TECTA: variants seen among roughly 807,000 people sequenced by gnomAD.
The protein encoded by TECTA is tectorin alpha.
In TECTA, 128 loss-of-function variants were observed where a neutral mutation model predicts 216.8. The ratio of observed to expected loss-of-function variants is 0.59; its 90% CI spans 0.51 to 0.68. The LOEUF (loss-of-function observed/expected upper bound fraction) is 0.68, where lower values mean the gene tolerates loss of function less well. Among genes scored for constraint, TECTA ranks in the 30% least tolerant of loss-of-function variants. TECTA has a pLI of 0.00. For missense variants in TECTA, 2,551 were observed against 2,786.2 expected, an observed-to-expected ratio of 0.92 and a Z score of 1.90; for synonymous variants, 1,089 against 1,117.1, an observed-to-expected ratio of 0.97 and a Z score of 0.50.
chr11:121,126,077 A>G (rs542491090), intron 8 of TECTA, among the ~76,000 whole-genome samples: 71 of 152,342 alleles, frequency 4.7e-4, no homozygotes, highest in Non-Finnish European at 7.6e-4. Flanking sequence ...ACAAGAACCC[A>G]TTGATGAACA....
intron 20 of TECTA, among the ~76,000 whole-genome samples, chr11:121,184,612 A>G (rs1404806915): frequency 6.6e-6 from 1 of 152,194 alleles, no homozygotes; most frequent in Non-Finnish European, 1.5e-5. Flanking sequence ...ATAGACATTC[A>G]CTAGTTTGCA....
At chr11:121,179,113 T>C (rs1947199949) in intron 20 of TECTA, among the ~76,000 whole-genome samples, 1 of 152,122 alleles carries the variant, frequency 6.6e-6, no homozygotes, top group African/African-American at 2.4e-5. Context: ...ATTATATTTT[T>C]CCTTCTACTA....
chr11:121,119,007 ACACACAC>A (rs1946530620), intron 7 of TECTA, among the ~76,000 whole-genome samples: 1 of 92,812 alleles, frequency 1.1e-5, no homozygotes, highest in Non-Finnish European at 2.3e-5. Context: ...ACACACACAC[ACACACAC>A]ACACACACAC....
intron 3 of TECTA, among the ~76,000 whole-genome samples, chr11:121,107,095 T>C (rs1946397539): frequency 6.6e-6 from 1 of 152,236 alleles, no homozygotes; most frequent in Admixed American, 6.5e-5. Context: ...AGCAAACACT[T>C]CATTCTGACA....
At position 121,113,425 on chromosome 11, in the gene TECTA, C is replaced by A; in HGVS notation, c.625-128C>A. On this transcript the variant is annotated intron_variant, in intron 5 of 23. Transcript: ENST00000392793. This position sits in a 1 kb window ranked among gnomAD's most constrained non-coding sequence, Gnocchi z 4.2. ...GTCCTTTCTCACCTAGAATGCTGGC[C>A]CCAGTGACTCCAGGAAAAGACGGCT... 6.9e-7 allele frequency: 1 copy of A among 1,452,696 alleles called. No individual in the cohort carries two copies. Among genetic ancestry groups the A allele is most frequent in the Non-Finnish European group, 9.6e-7 (1 of 1,040,140 alleles). The allele number at this position is 1,452,696 out of a possible 1,614,324, so 90.0% of individuals were successfully genotyped here.
At position 121,130,051 on chromosome 11, in the gene TECTA, T is replaced by A; in HGVS notation, c.2781T>A (p.His927Gln). ...CCAACAGCTCCTTCCTGGAGTGCCA[T>A]GGGGTGGTGAACGTCACTGCCTATT... Reference protein sequence around the residue: ...DPSNSSFLECHGVVNVTAYYR... With the variant: ...DPSNSSFLECQGVVNVTAYYR... Residue 927 changes from histidine to glutamine, a missense_variant, in exon 10 of 24, where the codon CAT becomes CAA. His to Gln is a conservative substitution (Grantham distance 24, BLOSUM62 0). Around this residue, in one of 3 missense-constraint regions of TECTA, gnomAD observed 2,375 missense variants for 2,563.9 expected, o/e 0.93. Transcript: ENST00000392793. 1 of 1,613,998 alleles carries A rather than the reference T, an allele frequency of 6.2e-7. No homozygotes were observed. The highest frequency in any genetic ancestry group is 8.5e-7 in the Non-Finnish European group (1 of 1,179,948).
intron 11 of TECTA, among the ~76,000 whole-genome samples, chr11:121,141,890 A>G (rs1002643692): frequency 6.6e-6 from 1 of 152,230 alleles, no homozygotes; most frequent in Non-Finnish European, 1.5e-5. Flanking sequence ...GTTAATGTCC[A>G]TGTAACATGA....
At chr11:121,161,923 G>A (rs776388742) in intron 15 of TECTA, 152 bp from the exon 16 acceptor site, 15 of 863,508 alleles carry the variant, frequency 1.7e-5, no homozygotes, top group Non-Finnish European at 2.7e-5. Flanking sequence ...ATAGAATAGA[G>A]ACTAGCAGTA....
intron 13 of TECTA, among the ~76,000 whole-genome samples, chr11:121,154,657 G>A (rs375559427): frequency 1.8e-4 from 27 of 152,252 alleles, no homozygotes; most frequent in African/African-American, 5.5e-4. Context: ...CCATCCTAGC[G>A]GTACCACTGC....
In TECTA at chr11:121,165,219, G is replaced by A. The variant is rs141715094; in HGVS notation, c.5273-54G>A. On this transcript the variant is annotated intron_variant, in intron 16 of 23. Coordinates refer to ENST00000392793, the MANE Select transcript of TECTA (RefSeq NM_005422.4). ...GTCTGGAGTGGAACCAAAAGCTACC[G>A]CATGTAGGTGTGAAAATGAAGTTGT... 1.5e-4 allele frequency: 222 copies of A among 1,512,264 alleles called. 1 individual carries two copies. Among genetic ancestry groups the A allele is most frequent in the East Asian group, 2.7e-4 (11 of 40,972 alleles). The allele number at this position is 1,512,264 out of a possible 1,614,324, so 93.7% of individuals were successfully genotyped here.
chr11:121,135,816 C>T (rs138437789), intron 10 of TECTA, among the ~76,000 whole-genome samples: 1 of 152,322 alleles, frequency 6.6e-6, no homozygotes, highest in African/African-American at 2.4e-5. Context: ...ATCTTTAGAT[C>T]GCACAGACTT....
At chr11:121,132,233 T>C (rs1946681740) in intron 10 of TECTA, among the ~76,000 whole-genome samples, 1 of 152,226 alleles carries the variant, frequency 6.6e-6, no homozygotes, top group South Asian at 2.1e-4. Flanking sequence ...TTTTTATTTG[T>C]TTAGATGACT....
At chr11:121,139,700 A>AT (rs1434400807) in intron 11 of TECTA, among the ~76,000 whole-genome samples, 115 of 152,116 alleles carry the variant, frequency 7.6e-4, no homozygotes, top group African/African-American at 2.5e-3. Context: ...AAAAAAAAAA[A>AT]AATAATGAAT....
chr11:121,152,332 G>T (rs1012113989), intron 12 of TECTA, among the ~76,000 whole-genome samples: 1 of 152,252 alleles, frequency 6.6e-6, no homozygotes, highest in Non-Finnish European at 1.5e-5. Flanking sequence ...ATGATAAGCT[G>T]CTGGCTTAGA....
intron 10 of TECTA, 24 bp from the exon 11 acceptor site, chr11:121,137,397 C>A (rs747614344): frequency 3.1e-6 from 5 of 1,613,636 alleles, no homozygotes; most frequent in African/African-American, 2.7e-5. Context: ...TTCTCAAACC[C>A]GTCTTCTCCT....
At chr11:121,114,068 TC>T (rs1220173620) in intron 6 of TECTA, among the ~76,000 whole-genome samples, 2 of 152,094 alleles carry the variant, frequency 1.3e-5, no homozygotes, top group Non-Finnish European at 2.9e-5. Flanking sequence ...TGCCATTTCC[TC>T]CCCCCGCCCT....
chr11:121,145,416 C>A, intron 11 of TECTA, 139 bp from the exon 12 acceptor site: 1 of 834,656 alleles, frequency 1.2e-6, no homozygotes, highest in Non-Finnish European at 2.0e-6. Context: ...CTGACATAAA[C>A]AACAGTACAT....
rs1322061537 is a variant in TECTA, at chr11:121,172,936, C to A, written c.5999+4011C>A. Among the ~76,000 whole-genome samples, 6 of 149,182 alleles carry A rather than the reference C, an allele frequency of 4.0e-5. No individual in the cohort carries two copies. In the South Asian group the frequency reaches 1.3e-3, roughly 32 times the overall value. The stretch of plus-strand genomic sequence containing the variant: ...GTTTTGATTTGCATTTCTCTGATGG[C>A]CAGTGATGGTGAGCATTTTTTCATG... On this transcript the variant is annotated intron_variant, in intron 20 of 23. Transcript: ENST00000392793.
At chr11:121,156,256 C>A (rs1946939906) in intron 13 of TECTA, among the ~76,000 whole-genome samples, 1 of 152,172 alleles carries the variant, frequency 6.6e-6, no homozygotes, top group Non-Finnish European at 1.5e-5. Flanking sequence ...CTCACTGCAG[C>A]CTCTACCTCA....
Sources: gnomAD v4.1 joint callset for allele counts (sites outside exome capture counted in the v4.1 genomes callset) on GRCh38, gnomAD v4.1.1 for gene constraint, gnomAD v4.1.1 regional missense constraint, Gnocchi (gnomAD v3.1) non-coding constraint, MANE v1.5 for transcripts, NCBI Gene and HGNC (gene_info 2026-07-23, HGNC 2026-07-21) for gene names.